The following FGF10 variants were observed in gnomAD, a reference collection of about 807,000 sequenced individuals.
The protein encoded by FGF10 is fibroblast growth factor 10, also known as FGF-10.
A neutral mutation model predicts 19.8 loss-of-function variants in FGF10; 2 were observed. The ratio of observed to expected loss-of-function variants is 0.10; its 90% CI spans 0.04 to 0.32. FGF10 has a LOEUF of 0.32. Ranked by LOEUF, FGF10 falls within the 10% of genes least tolerant of loss-of-function variation. The probability of loss-of-function intolerance (pLI) is 1.00; values close to 1 mark genes in which losing one functional copy is unlikely to be tolerated. For synonymous variants in FGF10, 112 were observed against 94.0 expected (o/e 1.19, Z -1.10); for missense variants, 191 against 246.3 (o/e 0.78, Z 1.50).
chr5:44,387,443 A>G (rs1009873046), intron 1 of FGF10, among the ~76,000 whole-genome samples: 1 of 152,244 alleles, frequency 6.6e-6, no homozygotes, highest in Non-Finnish European at 1.5e-5. Context: ...AAATATAGCC[A>G]TGGAAACAGA....
At chr5:44,382,738 G>T (rs1742010935) in intron 1 of FGF10, among the ~76,000 whole-genome samples, 1 of 152,070 alleles carries the variant, frequency 6.6e-6, no homozygotes, top group Non-Finnish European at 1.5e-5. Context: ...TTGATTACTT[G>T]TCTATATTGT....
intron 1 of FGF10, among the ~76,000 whole-genome samples, chr5:44,323,235 A>G (rs1740538157): frequency 6.6e-6 from 1 of 152,176 alleles, no homozygotes; most frequent in African/African-American, 2.4e-5. Flanking sequence ...ACAAGAAGAG[A>G]GCATCACACA....
intron 1 of FGF10, among the ~76,000 whole-genome samples, chr5:44,341,584 G>A (rs1740973308): frequency 6.6e-6 from 1 of 151,754 alleles, no homozygotes; most frequent in Admixed American, 6.6e-5. Context: ...GCTCTATAAT[G>A]TCCACATAAT....
intron 1 of FGF10, among the ~76,000 whole-genome samples, chr5:44,328,970 C>G (rs1350121334): frequency 6.6e-6 from 1 of 152,086 alleles, no homozygotes; most frequent in Non-Finnish European, 1.5e-5. Context: ...ACAATCCAGC[C>G]TAGGTGACAG....
Position 44,374,389 on chromosome 5 carries a change from G to A in FGF10, c.325+13969C>T, listed in dbSNP as rs114670504. On this transcript the variant is annotated intron_variant, in intron 1 of 2. Transcript: ENST00000264664. ...TTTACAAATACAGTAACATTCACAG[G>A]TTCCAGGATTAGAACCTGATGTCTT... is the stretch of plus-strand genomic sequence containing the variant. Among the ~76,000 whole-genome samples, 670 of 152,176 alleles carry A rather than the reference G, an allele frequency of 4.4e-3. 6 individuals carry two copies. The highest frequency in any genetic ancestry group is 0.016 in the African/African-American group (648 of 41,534).
rs1740030571 is a variant in FGF10 at position 44,304,590 on chromosome 5, T to A, written c.*405A>T. 1 of 225,678 alleles carries A rather than the reference T, an allele frequency of 4.4e-6. No homozygotes were observed. Among genetic ancestry groups the A allele is most frequent in the South Asian group, 6.7e-5 (1 of 14,888 alleles). 14.0% of individuals were successfully genotyped at this position (225,678 alleles called of 1,614,324 possible). A position where few individuals can be genotyped will look rare whatever the true frequency, so the allele number is the denominator to read the frequency against. Reference sequence around the variant, plus strand: ...TGTTCATTGATTCATTAGGCTTGAATGAGCAATGAAGTCTTTGATATGAGT... The same window carrying A: ...TGTTCATTGATTCATTAGGCTTGAAAGAGCAATGAAGTCTTTGATATGAGT... On this transcript the variant is annotated 3_prime_UTR_variant, in exon 3 of 3. Coordinates refer to ENST00000264664, the MANE Select transcript of FGF10 (RefSeq NM_004465.2).
intron 1 of FGF10, among the ~76,000 whole-genome samples, chr5:44,385,330 A>G (rs1314189299): frequency 2.0e-5 from 3 of 152,146 alleles, no homozygotes; most frequent in African/African-American, 7.2e-5. Context: ...GTCTTTTTAG[A>G]ACCATCGAAT....
chr5:44,332,008 C>G (rs764322448), intron 1 of FGF10, among the ~76,000 whole-genome samples: 1 of 152,016 alleles, frequency 6.6e-6, no homozygotes, highest in Non-Finnish European at 1.5e-5. Flanking sequence ...CAATTCCTCC[C>G]TATCTCCCCA....
intron 1 of FGF10, among the ~76,000 whole-genome samples, chr5:44,383,179 A>G (rs1742020998): frequency 1.3e-5 from 2 of 152,078 alleles, no homozygotes; most frequent in Admixed American, 6.5e-5. Context: ...GTGGAAAGTT[A>G]GACATTTGGA....
At chr5:44,338,588 TC>T (rs1224226880) in intron 1 of FGF10, among the ~76,000 whole-genome samples, 1 of 152,180 alleles carries the variant, frequency 6.6e-6, no homozygotes, top group East Asian at 1.9e-4. Context: ...GTTTAAAAGA[TC>T]AGCAAAGCTT....
At chr5:44,383,897 A>G (rs1742041861) in intron 1 of FGF10, among the ~76,000 whole-genome samples, 1 of 152,078 alleles carries the variant, frequency 6.6e-6, no homozygotes, top group Non-Finnish European at 1.5e-5. Flanking sequence ...ATCACTTCTG[A>G]GTTCCTATTT....
rs10052683 is a variant in FGF10, at chr5:44,300,553, T to C, written c.*4442A>G. 0.12 allele frequency among the ~76,000 whole-genome samples: 18,426 copies of C among 152,136 alleles called. 2,759 individuals carry two copies. Among genetic ancestry groups the C allele is most frequent in the African/African-American group, 0.35 (14,358 of 41,492 alleles). ...TAATCTTTCAATGGTAAAGAACATA[T>C]GAAAGAGAATGATCTTAAAACCTCT... On this transcript the variant is annotated 3_prime_UTR_variant, in exon 3 of 3. Coordinates refer to ENST00000264664, the MANE Select transcript of FGF10 (RefSeq NM_004465.2).
At chr5:44,368,381 C>T (rs928255524) in intron 1 of FGF10, among the ~76,000 whole-genome samples, 1 of 152,040 alleles carries the variant, frequency 6.6e-6, no homozygotes, top group Non-Finnish European at 1.5e-5. Flanking sequence ...GGCTAAGTGC[C>T]TCATACAACA....
In FGF10 at chr5:44,304,993, C is replaced by T. The variant is rs201327715; in HGVS notation, c.*2G>A. 8 of 1,613,730 alleles carry T rather than the reference C, an allele frequency of 5.0e-6. No homozygotes were observed. The Admixed American group carries it at 5.0e-5, about 10-fold the overall frequency. The stretch of plus-strand genomic sequence containing the variant: ...TACTGCATCCACAAACGTTGCCTTC[C>T]TCTATGAGTGTACCACCATTGGAAG... On this transcript the variant is annotated 3_prime_UTR_variant, in exon 3 of 3. Coordinates refer to ENST00000264664, the MANE Select transcript of FGF10 (RefSeq NM_004465.2).
intron 1 of FGF10, among the ~76,000 whole-genome samples, chr5:44,378,395 T>C (rs1311587601): frequency 6.6e-6 from 1 of 152,180 alleles, no homozygotes; most frequent in Non-Finnish European, 1.5e-5. Context: ...TCCCCAAAAC[T>C]TCAGAACAGT....
At chr5:44,352,661 G>T (rs1741260732) in intron 1 of FGF10, among the ~76,000 whole-genome samples, 1 of 151,544 alleles carries the variant, frequency 6.6e-6, no homozygotes, top group Admixed American at 6.6e-5. Flanking sequence ...GGCTTCTTAT[G>T]CTGAGAAAAC....
intron 1 of FGF10, among the ~76,000 whole-genome samples, chr5:44,334,830 A>T (rs1450481641): frequency 2.0e-5 from 3 of 152,278 alleles, no homozygotes; most frequent in Non-Finnish European, 4.4e-5. Flanking sequence ...AGATACTTGC[A>T]TAAACAAGCC....
chr5:44,358,643 C>A (rs1175819933), intron 1 of FGF10, among the ~76,000 whole-genome samples: 1 of 151,422 alleles, frequency 6.6e-6, no homozygotes, highest in East Asian at 1.9e-4. Context: ...ACCCCAGTAG[C>A]CTCGTAATGC....
intron 1 of FGF10, among the ~76,000 whole-genome samples, chr5:44,357,252 T>C (rs1372120870): frequency 6.6e-6 from 1 of 151,494 alleles, no homozygotes; most frequent in Non-Finnish European, 1.5e-5. Flanking sequence ...ACTTCAACCT[T>C]TCTTTTACAG....
Sources: allele counts gnomAD v4.1 joint callset (sites outside exome capture counted in the v4.1 genomes callset), GRCh38; gene constraint gnomAD v4.1.1; transcripts MANE v1.5; gene names NCBI Gene and HGNC (gene_info 2026-07-23, HGNC 2026-07-21).